ZNF333: variants seen among roughly 807,000 people sequenced by gnomAD.
The protein encoded by ZNF333 is zinc finger protein 333.
In ZNF333, 61 loss-of-function variants were observed where a neutral mutation model predicts 76.1. That is an observed-to-expected ratio of 0.80 (90% CI 0.65 to 0.99). The LOEUF (loss-of-function observed/expected upper bound fraction) is 0.99. Among genes scored for constraint, ZNF333 ranks in the 50% least tolerant of loss-of-function variants. The pLI is 0.00. For missense variants in ZNF333, 717 were observed against 822.4 expected (o/e 0.87, Z 1.57); for synonymous variants, 284 against 305.0 (o/e 0.93, Z 0.72).
chr19:14,703,604 C>T (rs548339771), intron 5 of ZNF333, among the ~76,000 whole-genome samples: 4 of 152,298 alleles, frequency 2.6e-5, no homozygotes, highest in Admixed American at 6.5e-5. Context: ...CACAGGTCCA[C>T]ACAGGGAAGC....
At position 14,695,109 on chromosome 19, in the gene ZNF333, C is replaced by G. The variant is rs760174802; in HGVS notation, c.103C>G (p.Gln35Glu). The G allele has an allele frequency of 6.2e-7, 1 of 1,613,962 alleles. No individual in the cohort carries two copies. The highest frequency in any genetic ancestry group is 8.5e-7 in the Non-Finnish European group (1 of 1,179,850). ...CCTGTGCAAATACAGGATGCTTGAC[C>G]AGTGCAGGACCCTGGCCTCCAGGGG... ...RSLCKYRMLD[Q>E]CRTLASRGTP... The change falls in exon 3 of 12, where the codon CAG (glutamine) becomes GAG (glutamate). Residue 35 changes from glutamine to glutamate, a missense_variant. Physicochemically the swap from Gln to Glu is conservative, Grantham distance 29. Transcript: ENST00000292530.
In ZNF333 at chr19:14,698,710, G is replaced by A. The variant is rs188524177; in HGVS notation, c.224-489G>A. Among the ~76,000 whole-genome samples the A allele has an allele frequency of 5.3e-5, 8 of 151,074 alleles. No individual in the cohort carries two copies. In the East Asian group the frequency reaches 1.2e-3, roughly 22 times the overall value. On this transcript the variant is annotated intron_variant, in intron 4 of 11. Transcript: ENST00000292530. ...AAAAAAATTAGCCAGACGTGGTGGC[G>A]GGTACCTGTAATCCCAACTACTTGG...
Position 14,731,183 on chromosome 19 carries a change from C to A in ZNF333, c.909C>A (p.Asn303Lys), listed in dbSNP as rs1347624158. 14 of 1,534,464 alleles carry A rather than the reference C, an allele frequency of 9.1e-6. 1 individual carries two copies. In the Middle Eastern group the frequency reaches 1.0e-3, roughly 110 times the overall value. Reference sequence around the variant, plus strand: ...TATAATTCCCTTTTCAGCCACCCAACTAATTTGGAAGAATTTCCACATCCA... The same window carrying A: ...TATAATTCCCTTTTCAGCCACCCAAATAATTTGGAAGAATTTCCACATCCA... The change falls in exon 12 of 12, where the codon AAC becomes AAA. Residue 303 changes from asparagine (N) to lysine (K), a missense_variant. Asn to Lys is a moderately conservative substitution (Grantham distance 94). Coordinates refer to the ZNF333 transcript ENST00000540689.
chr19:14,699,133 T>G (rs1973495547), intron 4 of ZNF333, 66 bp from the exon 5 acceptor site: 2 of 1,225,066 alleles, frequency 1.6e-6, no homozygotes, highest in Admixed American at 1.7e-5. Context: ...TATGTGAATA[T>G]ATATTTTCAA....
chr19:14,698,935 T>TATATATATAGATATATATAC (rs1180611568), intron 4 of ZNF333, among the ~76,000 whole-genome samples: 9 of 139,332 alleles, frequency 6.5e-5, no homozygotes, highest in African/African-American at 1.7e-4. Flanking sequence ...TATATATATA[T>TATATATATAGATATATATAC]ACACACATAT....
intron 9 of ZNF333, 117 bp downstream of exon 9, chr19:14,716,355 C>T (rs1316778920): frequency 4.1e-6 from 5 of 1,219,362 alleles, no homozygotes; most frequent in Non-Finnish European, 5.6e-6. Flanking sequence ...GCTTCCTGGG[C>T]TCAGGTGATC....
chr19:14,704,234 G>A (rs1054245482), intron 5 of ZNF333, among the ~76,000 whole-genome samples: 4 of 152,006 alleles, frequency 2.6e-5, no homozygotes, highest in African/African-American at 7.2e-5. Context: ...GGTGACTGCC[G>A]TAGGTGGGGA....
chr19:14,718,671 G>A lies in ZNF333; in HGVS notation c.1344G>A (p.Lys448=). ...ACCAGAGAAACCACACAGGAGAGAA[G>A]CCCTACGAGTGTAAAGATTGTGGGA... The part of the protein sequence containing the change: ...ILHQRNHTGE[K]PYECKDCGKA... Residue 448 remains lysine, a synonymous_variant, in exon 12 of 12, where the codon AAG becomes AAA. Transcript: ENST00000292530. 6.2e-7 allele frequency: 1 copy of A among 1,614,014 alleles called. No individual in the cohort carries two copies. The highest frequency in any genetic ancestry group is 1.3e-5 in the African/African-American group (1 of 75,038).
At position 14,719,425 on chromosome 19, in the gene ZNF333, G is replaced by T; in HGVS notation, c.*100G>T. The T allele has an allele frequency of 1.3e-5, 17 of 1,309,570 alleles. No individual in the cohort carries two copies. The highest frequency in any genetic ancestry group is 6.3e-5 in the South Asian group (4 of 63,088). 81.1% of individuals were successfully genotyped at this position (1,309,570 alleles called of 1,614,324 possible). A position where few individuals can be genotyped will look rare whatever the true frequency, so the allele number is the denominator to read the frequency against. The stretch of plus-strand genomic sequence containing the variant: ...TTTCAATGTATAATATTTTCATTTT[G>T]GTTTAATTGTAAGTATTGTCTTAAC... On this transcript the variant is annotated 3_prime_UTR_variant, in exon 12 of 12. Transcript: ENST00000292530.
intron 2 of ZNF333, 26 bp from the exon 3 acceptor site, chr19:14,694,984 G>C (rs1331706085): frequency 6.2e-7 from 1 of 1,613,862 alleles, no homozygotes; most frequent in East Asian, 2.2e-5. Flanking sequence ...GGTATTTGCC[G>C]AGCCAGAATG....
downstream of ZNF333, among the ~76,000 whole-genome samples, chr19:14,726,715 G>C (rs527782696): frequency 2.0e-5 from 3 of 152,252 alleles, no homozygotes; most frequent in Admixed American, 6.5e-5. Flanking sequence ...CAGGTCCTTT[G>C]CCAGGGAATA....
At chr19:14,713,577 G>A (rs1204509387) in intron 7 of ZNF333, among the ~76,000 whole-genome samples, 4 of 152,082 alleles carry the variant, frequency 2.6e-5, no homozygotes, top group East Asian at 1.9e-4. Context: ...ACCTGTGGAC[G>A]CCAGCAACAT....
chr19:14,716,047 C>A, intron 8 of ZNF333, 65 bp from the exon 9 acceptor site: 1 of 1,601,812 alleles, frequency 6.2e-7, no homozygotes, highest in South Asian at 1.1e-5. Context: ...TTGCCAGCCT[C>A]CAGCATCCTC....
intron 7 of ZNF333, among the ~76,000 whole-genome samples, chr19:14,710,099 A>T (rs967737436): frequency 3.3e-5 from 5 of 152,120 alleles, no homozygotes; most frequent in Admixed American, 3.3e-4. Context: ...AGAAGTGGAG[A>T]GAGAGTGGTG....
chr19:14,724,847 T>A (rs2042624191), downstream of ZNF333, among the ~76,000 whole-genome samples: 2 of 152,194 alleles, frequency 1.3e-5, no homozygotes. Flanking sequence ...TGTGCATTAA[T>A]TCTTTCCGTG....
downstream of ZNF333, among the ~76,000 whole-genome samples, chr19:14,723,676 C>G (rs1298740361): frequency 6.6e-6 from 1 of 152,152 alleles, no homozygotes; most frequent in Non-Finnish European, 1.5e-5. Context: ...AGAAATGCAA[C>G]TGTTTTTTTG....
intron 4 of ZNF333, among the ~76,000 whole-genome samples, chr19:14,698,935 T>TATATATATATATAC (rs1180611568): frequency 1.1e-4 from 15 of 139,352 alleles, no homozygotes; most frequent in African/African-American, 3.9e-4. Flanking sequence ...TATATATATA[T>TATATATATATATAC]ACACACATAT....
chr19:14,716,728 T>C (rs150385834), intron 9 of ZNF333, among the ~76,000 whole-genome samples: 190 of 152,372 alleles, frequency 1.2e-3, no homozygotes, highest in African/African-American at 4.2e-3. Flanking sequence ...TGTCTTTCTG[T>C]GACTAAAAGT....
chr19:14,717,594 T>A (rs765338820), intron 10 of ZNF333, 63 bp from the exon 11 acceptor site: 2 of 1,454,670 alleles, frequency 1.4e-6, no homozygotes, highest in Non-Finnish European at 9.6e-7. Context: ...ACTTTTGAGG[T>A]GACCTTGATC....
Sources: gnomAD v4.1 joint callset for allele counts (sites outside exome capture counted in the v4.1 genomes callset) on GRCh38, gnomAD v4.1.1 for gene constraint, MANE v1.5 for transcripts, NCBI Gene and HGNC (gene_info 2026-07-23, HGNC 2026-07-21) for gene names.